Variants in RFC3 observed in about 807,000 individuals in gnomAD.
The protein encoded by RFC3 is replication factor C subunit 3, also known as A1 38 kDa subunit.
Under a neutral mutation model 45.1 loss-of-function variants are expected in RFC3, and 41 were observed. The observed-to-expected ratio is 0.91, with a 90% CI of 0.71 to 1.18. The LOEUF (loss-of-function observed/expected upper bound fraction) is 1.18, where lower values mean the gene tolerates loss of function less well. RFC3 is among the 50% of genes most tolerant of loss of function. The pLI is 0.00. For synonymous variants in RFC3, 149 were observed against 144.0 expected (o/e 1.03, Z -0.25); for missense variants, 423 against 428.1 (o/e 0.99, Z 0.10).
chr13:33,849,534 T>C (rs2082262595), intron 8 of RFC3: 1 of 152,110 alleles, frequency 6.6e-6, no homozygotes, highest in African/African-American at 2.4e-5. Context: ...ATATAGAGCC[T>C]TGTAGGACAA....
intron 8 of RFC3, chr13:33,846,216 G>C (rs1184413069): frequency 6.6e-6 from 1 of 152,228 alleles, no homozygotes; most frequent in Non-Finnish European, 1.5e-5. Context: ...GCTATGTCAG[G>C]ACTGAAGCCA....
chr13:33,975,900 C>A, the RFC3 span, among the ~76,000 whole-genome samples: 13 of 152,176 alleles, frequency 8.5e-5, no homozygotes, highest in Admixed American at 2.0e-4. Context: ...CAATGATATT[C>A]TGGGAGCAGA....
At chr13:33,835,069 A>G in intron 7 of RFC3, 79 bp from the exon 8 acceptor site, 2 of 827,226 alleles carry the variant, frequency 2.4e-6, no homozygotes, top group Non-Finnish European at 2.0e-6. Flanking sequence ...TAATTCATAA[A>G]GTAAAACCAT....
At chr13:33,946,215 A>G (rs2082953574) in intron 8 of RFC3, among the ~76,000 whole-genome samples, 1 of 152,198 alleles carries the variant, frequency 6.6e-6, no homozygotes, top group South Asian at 2.1e-4. Context: ...GAAGCGACTT[A>G]TTACAGCACT....
chr13:33,938,184 C>CAAAAAAA lies in RFC3; in HGVS notation c.880-27885_880-27879dup, dbSNP rs34685731. 3.0e-3 allele frequency among the ~76,000 whole-genome samples: 214 copies of CAAAAAAA among 70,708 alleles called. 5 individuals are homozygous for CAAAAAAA. Among genetic ancestry groups the CAAAAAAA allele is most frequent in the Middle Eastern group, 0.01 (1 of 98 alleles). The allele number at this position is 70,708 out of a possible 152,430, so 46.4% of individuals were successfully genotyped here. Reference sequence around the variant, plus strand: ...CACAGCTCAAGATAAAGTCCAACTGCAAAAAAAAAAAAAAAAAAAAAAAAG... The same window carrying CAAAAAAA: ...CACAGCTCAAGATAAAGTCCAACTGCAAAAAAAAAAAAAAAAAAAAAAAAAAAAAAAG... On this transcript the variant is annotated intron_variant, in intron 8 of 8. Transcript: ENST00000434425.
intron 8 of RFC3, among the ~76,000 whole-genome samples, chr13:33,943,561 G>A (rs1052226232): frequency 6.6e-6 from 1 of 152,144 alleles, no homozygotes; most frequent in African/African-American, 2.4e-5. Context: ...TGATCATTAT[G>A]TATTGTGTGC....
At chr13:33,852,695 T>G (rs916280044) in intron 8 of RFC3, among the ~76,000 whole-genome samples, 2 of 152,202 alleles carry the variant, frequency 1.3e-5, no homozygotes, top group African/African-American at 4.8e-5. Flanking sequence ...TTATAAAGAC[T>G]TATAATAGTT....
intron 8 of RFC3, among the ~76,000 whole-genome samples, chr13:33,872,476 G>A (rs917507014): frequency 3.9e-5 from 6 of 152,204 alleles, no homozygotes; most frequent in African/African-American, 1.4e-4. Context: ...GCTCACGCCT[G>A]TAATCCCAGC....
At chr13:33,945,441 AG>A (rs1288438926) in intron 8 of RFC3, among the ~76,000 whole-genome samples, 1 of 152,198 alleles carries the variant, frequency 6.6e-6, no homozygotes, top group Non-Finnish European at 1.5e-5. Context: ...ACTTGACAGG[AG>A]AGGATTAACT....
intron 8 of RFC3, among the ~76,000 whole-genome samples, chr13:33,885,217 CATT>C (rs1210829958): frequency 6.6e-6 from 1 of 152,086 alleles, no homozygotes; most frequent in African/African-American, 2.4e-5. Flanking sequence ...CATGGTATCA[CATT>C]ATATTATCAC....
Position 33,925,685 on chromosome 13 carries a change from A to G in RFC3, c.880-40402A>G, listed in dbSNP as rs539542240. The stretch of plus-strand genomic sequence containing the variant: ...ACCACAATTAAGTTAGTGTGTATGT[A>G]TATATACACACACACACACACACAT... On this transcript the variant is annotated intron_variant, in intron 8 of 8. Coordinates refer to the RFC3 transcript ENST00000434425. Among the ~76,000 whole-genome samples the G allele has an allele frequency of 1.1e-4, 15 of 142,256 alleles. No individual in the cohort carries two copies. The East Asian group carries it at 3.2e-3, about 30-fold the overall frequency. 93.3% of individuals were successfully genotyped at this position (142,256 alleles called of 152,430 possible). A position where few individuals can be genotyped will look rare whatever the true frequency, so the allele number is the denominator to read the frequency against.
At chr13:33,890,674 C>T (rs941598504) in intron 8 of RFC3, among the ~76,000 whole-genome samples, 3 of 152,046 alleles carry the variant, frequency 2.0e-5, no homozygotes, top group African/African-American at 7.3e-5. Context: ...TTACATCATC[C>T]CCTTTAAGCT....
exon 9 of RFC3, chr13:33,966,233 A>G: frequency 1.2e-6 from 1 of 828,304 alleles, no homozygotes; most frequent in African/African-American, 1.7e-5. Context: ...CACCTGCTTC[A>G]GAGCTCAAGA....
chr13:33,955,738 A>G (rs2083018029), intron 8 of RFC3, among the ~76,000 whole-genome samples: 1 of 152,212 alleles, frequency 6.6e-6, no homozygotes, highest in African/African-American at 2.4e-5. Context: ...GGTTTTCCTC[A>G]AGAAATAGGT....
chr13:33,974,707 A>C, the RFC3 span, among the ~76,000 whole-genome samples: 2 of 152,254 alleles, frequency 1.3e-5, no homozygotes, highest in Non-Finnish European at 2.9e-5. Flanking sequence ...GCTCAGACTA[A>C]TTAAAAATGA....
At chr13:33,872,237 T>A (rs2082414693) in intron 8 of RFC3, among the ~76,000 whole-genome samples, 2 of 152,124 alleles carry the variant, frequency 1.3e-5, no homozygotes, top group African/African-American at 4.8e-5. Context: ...CCAAAGGCAC[T>A]GGAGGGGAGA....
intron 8 of RFC3, among the ~76,000 whole-genome samples, chr13:33,931,942 A>G (rs998222641): frequency 2.0e-5 from 3 of 151,964 alleles, no homozygotes; most frequent in Non-Finnish European, 4.4e-5. Flanking sequence ...TTGAATATAC[A>G]TTTGTTTTTC....
rs201988563 is a variant in RFC3 at position 33,823,934 on chromosome 13, A to T, written c.243A>T (p.Lys81Asn). The change falls in exon 3 of 9, where the codon AAA (lysine) becomes AAT (asparagine). Residue 81 changes from lysine to asparagine, a missense_variant. Coordinates refer to ENST00000380071, the MANE Select transcript of RFC3 (RefSeq NM_002915.4). ...GTCCACAGACTCCATCTAAAAAAAA[A>T]ATTGAAATTAGCACCATTGCAAGTA... ...HQTITTPSKK[K>N]IEISTIASNY... 1.9e-6 allele frequency: 3 copies of T among 1,564,604 alleles called. No homozygotes were observed. The African/African-American group carries it at 4.1e-5, about 21-fold the overall frequency.
intron 1 of RFC3, among the ~76,000 whole-genome samples, chr13:33,820,506 G>A (rs552715394): frequency 3.9e-5 from 6 of 152,274 alleles, no homozygotes; most frequent in African/African-American, 1.4e-4. Context: ...TTCCCTAGCA[G>A]GATCAAACAC....
Sources: gnomAD v4.1 joint callset for allele counts (sites outside exome capture counted in the v4.1 genomes callset) on GRCh38, gnomAD v4.1.1 for gene constraint, MANE v1.5 for transcripts, NCBI Gene and HGNC (gene_info 2026-07-23, HGNC 2026-07-21) for gene names.